Variants in ADCY8 observed in about 807,000 individuals in gnomAD.
ADCY8 encodes adenylate cyclase 8.
Under a neutral mutation model 119.7 loss-of-function variants are expected in ADCY8, and 51 were observed. The observed-to-expected ratio is 0.43, with a 90% CI of 0.34 to 0.54. The LOEUF is 0.54. ADCY8 is among the 20% of genes least tolerant of loss of function. ADCY8 has a pLI of 0.03. For synonymous variants in ADCY8, 665 were observed against 651.0 expected, an observed-to-expected ratio of 1.02 and a Z score of -0.33; for missense variants, 1,383 against 1,598.8, an observed-to-expected ratio of 0.87 and a Z score of 2.30.
intron 14 of ADCY8, among the ~76,000 whole-genome samples, chr8:130,808,321 A>G (rs1415435067): frequency 1.3e-5 from 2 of 152,156 alleles, no homozygotes; most frequent in African/African-American, 4.8e-5. Flanking sequence ...GGTTGAATGA[A>G]GGGATAGGGG....
At chr8:130,970,697 T>A (rs1275064204) in intron 2 of ADCY8, among the ~76,000 whole-genome samples, 1 of 152,212 alleles carries the variant, frequency 6.6e-6, no homozygotes, top group South Asian at 2.1e-4. Context: ...GTTCCACTAG[T>A]TGGAATTCAC....
At chr8:130,869,663 G>A (rs796983247) in intron 8 of ADCY8, among the ~76,000 whole-genome samples, 82 of 151,464 alleles carry the variant, frequency 5.4e-4, no homozygotes, top group Admixed American at 7.9e-4. Flanking sequence ...GACTACAGGC[G>A]CCTGCCACCA....
chr8:130,995,990 T>C (rs1326385571), intron 1 of ADCY8, among the ~76,000 whole-genome samples: 2 of 152,154 alleles, frequency 1.3e-5, no homozygotes, highest in Non-Finnish European at 2.9e-5. Context: ...AAGTTCTAGA[T>C]ATTTGATAAA....
chr8:130,796,810 C>A (rs1167598436), intron 15 of ADCY8, among the ~76,000 whole-genome samples: 2 of 150,084 alleles, frequency 1.3e-5, no homozygotes, highest in African/African-American at 4.9e-5. Context: ...TCATCGCTGC[C>A]TCTCTTCCCT....
intron 1 of ADCY8, among the ~76,000 whole-genome samples, chr8:131,024,822 C>T (rs867568842): frequency 2.3e-4 from 35 of 152,238 alleles, no homozygotes; most frequent in African/African-American, 8.4e-4. Context: ...TCAGTATTTG[C>T]TAAATCATTA....
intron 5 of ADCY8, among the ~76,000 whole-genome samples, chr8:130,932,959 A>G (rs1820677941): frequency 6.6e-6 from 1 of 152,190 alleles, no homozygotes; most frequent in Non-Finnish European, 1.5e-5. Context: ...TCACCTAAAC[A>G]AGGAAATTAT....
At chr8:130,986,858 C>A (rs1367103271) in intron 2 of ADCY8, among the ~76,000 whole-genome samples, 1 of 152,170 alleles carries the variant, frequency 6.6e-6, no homozygotes, top group African/African-American at 2.4e-5. Context: ...GAATGGAAAG[C>A]AGTAATATTC....
At position 130,800,536 on chromosome 8, in the gene ADCY8, T is replaced by A. The variant is rs769666719; in HGVS notation, c.2950A>T (p.Met984Leu). ...YSQSYDAVGV[M>L]FASIPGFADF... is the part of the protein sequence containing the mutation. ...GCAAATCCTGGGATGGAGGCAAACATCACCCCAACAGCATCATAGGATTGA... is the reference window on the plus strand; with the variant it reads ...GCAAATCCTGGGATGGAGGCAAACAACACCCCAACAGCATCATAGGATTGA... Residue 984 changes from methionine to leucine, a missense_variant, in exon 15 of 18, where the codon ATG becomes TTG. Around this residue, in one of 2 missense-constraint regions of ADCY8, gnomAD observed 928 missense variants for 1,163.5 expected, o/e 0.80. Transcript: ENST00000286355. 6 of 1,614,030 alleles carry A rather than the reference T, an allele frequency of 3.7e-6. No homozygotes were observed. In the East Asian group the frequency reaches 1.1e-4, roughly 30 times the overall value.
In ADCY8 at chr8:130,802,952, T is replaced by C. The variant is rs114775851; in HGVS notation, c.2914-2380A>G. 2.7e-3 allele frequency among the ~76,000 whole-genome samples: 415 copies of C among 152,318 alleles called. 2 individuals are homozygous for C. Among genetic ancestry groups the C allele is most frequent in the African/African-American group, 9.6e-3 (398 of 41,572 alleles). On this transcript the variant is annotated intron_variant, in intron 14 of 17. Coordinates refer to ENST00000286355, the MANE Select transcript of ADCY8 (RefSeq NM_001115.3). ...TGCTCTCACACCATTTCCCTGAATT[T>C]CCCAGCCGGATTAAGCTCCAGTCGC...
At chr8:130,820,122 G>C (rs1031723841) in intron 13 of ADCY8, among the ~76,000 whole-genome samples, 1 of 152,194 alleles carries the variant, frequency 6.6e-6, no homozygotes, top group African/African-American at 2.4e-5. Flanking sequence ...ACATAGTAGG[G>C]ACTCAATAAA....
intron 2 of ADCY8, among the ~76,000 whole-genome samples, chr8:130,970,470 A>G (rs560259318): frequency 6.6e-6 from 1 of 152,336 alleles, no homozygotes; most frequent in East Asian, 1.9e-4. Flanking sequence ...AAACAAGCCC[A>G]GGGCTCCCAC....
intron 11 of ADCY8, among the ~76,000 whole-genome samples, chr8:130,837,275 G>A (rs1213875997): frequency 6.6e-6 from 1 of 151,994 alleles, no homozygotes; most frequent in Non-Finnish European, 1.5e-5. Flanking sequence ...TCTCCTTTCT[G>A]AATAGTAAAG....
intron 15 of ADCY8, among the ~76,000 whole-genome samples, chr8:130,793,079 C>A (rs1054659749): frequency 1.3e-5 from 2 of 152,140 alleles, no homozygotes; most frequent in African/African-American, 4.8e-5. Context: ...TAAGGCAGCA[C>A]AAGTCAGGTT....
chr8:130,827,577 C>T (rs1198800978), intron 12 of ADCY8, among the ~76,000 whole-genome samples: 2 of 152,186 alleles, frequency 1.3e-5, no homozygotes, highest in Non-Finnish European at 2.9e-5. Flanking sequence ...CCTCTTTTCA[C>T]TAAAGAGAGA....
At chr8:130,897,690 T>C (rs78266674) in intron 7 of ADCY8, among the ~76,000 whole-genome samples, 2 of 350 alleles carry the variant, frequency 5.7e-3, no homozygotes, top group African/African-American at 0.056. Flanking sequence ...TACACACACA[T>C]ACACACCTCA....
chr8:131,014,080 C>T (rs896425539), intron 1 of ADCY8, among the ~76,000 whole-genome samples: 26 of 152,118 alleles, frequency 1.7e-4, no homozygotes, highest in African/African-American at 6.0e-4. Context: ...CAAGCTGAGA[C>T]CAATCAAGTG....
At chr8:130,907,371 AAT>A (rs949954689) in intron 6 of ADCY8, among the ~76,000 whole-genome samples, 2 of 152,170 alleles carry the variant, frequency 1.3e-5, no homozygotes, top group African/African-American at 4.8e-5. Context: ...AAAGTGGAAA[AAT>A]ATATAACAAT....
chr8:131,030,346 G>T (rs914264904), intron 1 of ADCY8, among the ~76,000 whole-genome samples: 1 of 152,130 alleles, frequency 6.6e-6, no homozygotes, highest in Admixed American at 6.5e-5. Flanking sequence ...CCATCCCAGG[G>T]TCCTTTTGCA....
intron 8 of ADCY8, among the ~76,000 whole-genome samples, chr8:130,881,114 G>T (rs531847995): frequency 2.0e-5 from 3 of 152,276 alleles, no homozygotes; most frequent in Admixed American, 6.5e-5. Flanking sequence ...CCACTAAAAA[G>T]AGTCAGATCA....
Sources: allele counts gnomAD v4.1 joint callset (sites outside exome capture counted in the v4.1 genomes callset), GRCh38; gene constraint gnomAD v4.1.1; regional missense constraint gnomAD v4.1.1; transcripts MANE v1.5; gene names NCBI Gene and HGNC (gene_info 2026-07-23, HGNC 2026-07-21).